Variants in ADORA1 observed in about 807,000 individuals in gnomAD.
ADORA1 encodes adenosine A1 receptor.
A neutral mutation model predicts 19.9 loss-of-function variants in ADORA1; 6 were observed. The observed-to-expected ratio is 0.30, with a 90% CI of 0.17 to 0.59. The LOEUF (loss-of-function observed/expected upper bound fraction) is 0.59, where lower values mean the gene tolerates loss of function less well. Among genes scored for constraint, ADORA1 ranks in the 20% least tolerant of loss-of-function variants. ADORA1 has a pLI of 0.87. For missense variants in ADORA1, 302 were observed against 439.2 expected (o/e 0.69, Z 2.79); for synonymous variants, 194 against 188.4 (o/e 1.03, Z -0.24).
chr1:203,156,479 G>T (rs537176450), intron 3 of ADORA1, among the ~76,000 whole-genome samples: 2 of 152,252 alleles, frequency 1.3e-5, no homozygotes, highest in African/African-American at 4.8e-5. Context: ...ACAAAGGAGT[G>T]TCCACTAGCA....
chr1:203,151,230 C>T (rs1655022528), intron 3 of ADORA1, among the ~76,000 whole-genome samples: 1 of 152,192 alleles, frequency 6.6e-6, no homozygotes, highest in Admixed American at 6.5e-5. Flanking sequence ...CCTCCCTGGC[C>T]ACTTCCCCAG....
intron 3 of ADORA1, among the ~76,000 whole-genome samples, chr1:203,159,186 A>G (rs1655287593): frequency 6.6e-6 from 1 of 152,340 alleles, no homozygotes; most frequent in Non-Finnish European, 1.5e-5. Flanking sequence ...ATCTGCCTGG[A>G]TGGCTAAAAT....
At chr1:203,147,182 G>T (rs1312349872) in intron 3 of ADORA1, among the ~76,000 whole-genome samples, 4 of 152,224 alleles carry the variant, frequency 2.6e-5, no homozygotes, top group East Asian at 3.9e-4. Flanking sequence ...ACAAGCTGGG[G>T]TGTGCATTGG....
chr1:203,164,824 G>C (rs1397537438), intron 3 of ADORA1, among the ~76,000 whole-genome samples: 1 of 152,196 alleles, frequency 6.6e-6, no homozygotes, highest in African/African-American at 2.4e-5. Flanking sequence ...CAGATCCTGT[G>C]ATTACTTTGA....
At chr1:203,164,654 G>GC (rs1193034056) in intron 3 of ADORA1, among the ~76,000 whole-genome samples, 9 of 152,142 alleles carry the variant, frequency 5.9e-5, no homozygotes, top group Non-Finnish European at 1.2e-4. Context: ...ATGGGACAAG[G>GC]CCAAGGGAAG....
At chr1:203,156,381 T>G (rs1655199002) in intron 3 of ADORA1, among the ~76,000 whole-genome samples, 1 of 152,100 alleles carries the variant, frequency 6.6e-6, no homozygotes, top group South Asian at 2.1e-4. Context: ...GAGACCTGAA[T>G]GAACGGAGAA....
At chr1:203,138,973 C>G (rs894569004) in intron 3 of ADORA1, among the ~76,000 whole-genome samples, 1 of 152,132 alleles carries the variant, frequency 6.6e-6, no homozygotes, top group Non-Finnish European at 1.5e-5. Flanking sequence ...TGCATGCCAC[C>G]ATGCCCGGCT....
intron 3 of ADORA1, among the ~76,000 whole-genome samples, chr1:203,138,775 G>C (rs1282489600): frequency 6.6e-6 from 1 of 152,166 alleles, no homozygotes; most frequent in Non-Finnish European, 1.5e-5. Flanking sequence ...GGCAGTAGCT[G>C]TCAGGGGAAG....
chr1:203,129,123 C>T lies in ADORA1; in HGVS notation c.282C>T (p.Ser94=). The T allele has an allele frequency of 2.5e-6, 4 of 1,614,184 alleles. No homozygotes were observed. The highest frequency in any genetic ancestry group is 3.4e-6 in the Non-Finnish European group (4 of 1,180,016). The change falls in exon 3 of 4, where the codon TCC becomes TCT. Residue 94 remains serine (S), a synonymous_variant. Transcript: ENST00000337894. Reference sequence around the variant, plus strand: ...CGGTCCTCATCCTCACCCAGAGCTCCATCCTGGCCCTGCTGGCAATTGCTG... The same window carrying T: ...CGGTCCTCATCCTCACCCAGAGCTCTATCCTGGCCCTGCTGGCAATTGCTG... ...ACPVLILTQS[S]ILALLAIAVD...
intron 3 of ADORA1, among the ~76,000 whole-genome samples, chr1:203,140,071 A>G (rs1654630943): frequency 1.3e-5 from 2 of 152,246 alleles, no homozygotes. Flanking sequence ...AAAGGATAAT[A>G]TATCACCACC....
rs143622279 is a variant in ADORA1, at chr1:203,147,983, C to T, written c.342-17278C>T. 7.5e-3 allele frequency among the ~76,000 whole-genome samples: 1,136 copies of T among 152,228 alleles called. 13 individuals are homozygous for T. The highest frequency in any genetic ancestry group is 0.026 in the African/African-American group (1,062 of 41,514). The stretch of plus-strand genomic sequence containing the variant: ...CCTATAATCCCAGCACTTTGGGAGG[C>T]CGAGGGAGGCGGATCATTTGAGGTC... On this transcript the variant is annotated intron_variant, in intron 3 of 3. Coordinates refer to ENST00000337894, the MANE Select transcript of ADORA1 (RefSeq NM_000674.3).
At chr1:203,164,360 C>G (rs1655464949) in intron 3 of ADORA1, among the ~76,000 whole-genome samples, 1 of 152,218 alleles carries the variant, frequency 6.6e-6, no homozygotes, top group Non-Finnish European at 1.5e-5. Context: ...TTATTCTCAG[C>G]ACAGGGAGCA....
chr1:203,143,378 C>T (rs1654756112), intron 3 of ADORA1, among the ~76,000 whole-genome samples: 1 of 152,210 alleles, frequency 6.6e-6, no homozygotes, highest in African/African-American at 2.4e-5. Flanking sequence ...CCAAAGACCC[C>T]ACCTCCAAAT....
At chr1:203,145,913 T>TG (rs1654844070) in intron 3 of ADORA1, among the ~76,000 whole-genome samples, 1 of 152,164 alleles carries the variant, frequency 6.6e-6, no homozygotes, top group Non-Finnish European at 1.5e-5. Flanking sequence ...AACCCGGCCT[T>TG]GGGGAAGCGG....
chr1:203,154,776 AG>A (rs1278772002), intron 3 of ADORA1, among the ~76,000 whole-genome samples: 1 of 152,188 alleles, frequency 6.6e-6, no homozygotes, highest in Non-Finnish European at 1.5e-5. Flanking sequence ...AAAACAGGGC[AG>A]GGCCAGGAGA....
chr1:203,148,954 T>C (rs750053480), intron 3 of ADORA1, among the ~76,000 whole-genome samples: 12 of 152,136 alleles, frequency 7.9e-5, no homozygotes, highest in Non-Finnish European at 1.5e-4. Flanking sequence ...TTCGGCTCAC[T>C]GCAACCTCCG....
chr1:203,139,504 G>A (rs1450468216), intron 3 of ADORA1, among the ~76,000 whole-genome samples: 1 of 152,190 alleles, frequency 6.6e-6, no homozygotes, highest in African/African-American at 2.4e-5. Flanking sequence ...AGTATAATTG[G>A]GGGCAGCATG....
At chr1:203,140,120 A>T (rs749048493) in intron 3 of ADORA1, among the ~76,000 whole-genome samples, 6 of 152,210 alleles carry the variant, frequency 3.9e-5, no homozygotes, top group Non-Finnish European at 5.9e-5. Flanking sequence ...GTGGTTTAAC[A>T]TTTGAAAAAA....
At chr1:203,141,572 A>AT (rs56188119) in intron 3 of ADORA1, among the ~76,000 whole-genome samples, 50,447 of 73,394 alleles carry the variant, frequency 0.69, 20,818 homozygotes, top group Non-Finnish European at 0.77. Flanking sequence ...TCTAACCTGG[A>AT]TTTTTTTTTT....
Sources: gnomAD v4.1 joint callset for allele counts (sites outside exome capture counted in the v4.1 genomes callset) on GRCh38, gnomAD v4.1.1 for gene constraint, MANE v1.5 for transcripts, NCBI Gene and HGNC (gene_info 2026-07-23, HGNC 2026-07-21) for gene names.